TOX: variants seen among roughly 807,000 people sequenced by gnomAD.
TOX encodes the protein thymocyte selection associated high mobility group box, also known as thymocyte selection-associated high mobility group box protein TOX.
TOX carries 11 observed loss-of-function variants against 53.7 expected under a neutral mutation model. The observed-to-expected ratio is 0.20, with a 90% CI of 0.13 to 0.34. The LOEUF is 0.34. Ranked by LOEUF, TOX falls within the 10% of genes least tolerant of loss-of-function variation. TOX has a pLI of 1.00. For missense variants in TOX, 570 were observed against 664.6 expected, an observed-to-expected ratio of 0.86 and a Z score of 1.56; for synonymous variants, 225 against 245.3, an observed-to-expected ratio of 0.92 and a Z score of 0.77.
rs1361309617 is a variant in TOX at position 59,110,614 on chromosome 8, C to T, written c.102+8272G>A. 3.3e-5 allele frequency among the ~76,000 whole-genome samples: 5 copies of T among 152,202 alleles called. No homozygotes were observed. In the East Asian group the frequency reaches 9.7e-4, roughly 29 times the overall value. The stretch of plus-strand genomic sequence containing the variant: ...TGAAGTCAGGAACAAGAGGGCATTT[C>T]CCTCTTTCACAGTTATTCTCCACTT... On this transcript the variant is annotated intron_variant, in intron 1 of 8. Transcript: ENST00000361421.
chr8:58,838,849 G>A (rs934748040), intron 4 of TOX, among the ~76,000 whole-genome samples: 11 of 151,640 alleles, frequency 7.3e-5, no homozygotes, highest in African/African-American at 1.2e-4. Flanking sequence ...CTACAGACGC[G>A]CGCCACCACA....
chr8:58,939,256 A>G (rs541536984), intron 3 of TOX, 46 bp downstream of exon 3: 2 of 1,606,286 alleles, frequency 1.2e-6, no homozygotes, highest in African/African-American at 2.7e-5. Flanking sequence ...CCTTGTCCTT[A>G]TGGTATCCCT....
At chr8:59,107,016 A>G (rs977030761) in intron 1 of TOX, among the ~76,000 whole-genome samples, 2 of 137,200 alleles carry the variant, frequency 1.5e-5, no homozygotes, top group Admixed American at 7.4e-5. Context: ...CATTGAGAAC[A>G]ATGAACAATG....
chr8:58,810,575 A>G (rs566185374), intron 7 of TOX, among the ~76,000 whole-genome samples: 75 of 151,924 alleles, frequency 4.9e-4, no homozygotes, highest in Admixed American at 1.4e-3. Context: ...CTCATTTCCA[A>G]TTCCTGGGTT....
chr8:59,039,264 T>C (rs1421948471), intron 1 of TOX, among the ~76,000 whole-genome samples: 1 of 152,258 alleles, frequency 6.6e-6, no homozygotes, highest in African/African-American at 2.4e-5. Context: ...GGATTTGATA[T>C]GAATTGCAAG....
chr8:59,114,054 C>A (rs1033408788), intron 1 of TOX, among the ~76,000 whole-genome samples: 1 of 152,140 alleles, frequency 6.6e-6, no homozygotes, highest in Admixed American at 6.5e-5. Context: ...CATTTGAGAA[C>A]CAGGTTGGTA....
intron 1 of TOX, among the ~76,000 whole-genome samples, chr8:58,981,628 C>T (rs1460329726): frequency 6.6e-6 from 1 of 152,090 alleles, no homozygotes; most frequent in East Asian, 1.9e-4. Flanking sequence ...TCCACCTCAC[C>T]TCTTCCAAAC....
chr8:59,043,984 C>T (rs1274521797), intron 1 of TOX, among the ~76,000 whole-genome samples: 1 of 152,164 alleles, frequency 6.6e-6, no homozygotes, highest in Non-Finnish European at 1.5e-5. Flanking sequence ...GTCTTGCAAC[C>T]ACAAAATGTA....
intron 1 of TOX, among the ~76,000 whole-genome samples, chr8:59,076,317 A>G (rs1804292094): frequency 6.6e-6 from 1 of 152,230 alleles, no homozygotes; most frequent in Non-Finnish European, 1.5e-5. Flanking sequence ...TAAACTACCC[A>G]GAGATACAAG....
intron 1 of TOX, among the ~76,000 whole-genome samples, chr8:59,020,954 A>G (rs906871755): frequency 1.3e-5 from 2 of 151,878 alleles, no homozygotes; most frequent in African/African-American, 4.8e-5. Flanking sequence ...CTCTACAAAA[A>G]ATAAAAAAGA....
intron 1 of TOX, among the ~76,000 whole-genome samples, chr8:59,050,573 G>A (rs765770460): frequency 6.6e-5 from 10 of 151,908 alleles, no homozygotes; most frequent in South Asian, 2.1e-4. Context: ...TGAACTCTAC[G>A]GTAAATTTTA....
intron 1 of TOX, among the ~76,000 whole-genome samples, chr8:59,067,570 A>T (rs1804116449): frequency 6.6e-6 from 1 of 152,098 alleles, no homozygotes; most frequent in African/African-American, 2.4e-5. Context: ...ATAAATAAAT[A>T]AAATAAATAA....
chr8:58,886,569 C>G (rs1443653792), intron 3 of TOX, among the ~76,000 whole-genome samples: 1 of 151,946 alleles, frequency 6.6e-6, no homozygotes, highest in Non-Finnish European at 1.5e-5. Context: ...ACATATTTTG[C>G]AGTTAAAATA....
chr8:59,045,582 A>T (rs172652), intron 1 of TOX, among the ~76,000 whole-genome samples: 1 of 152,052 alleles, frequency 6.6e-6, no homozygotes, highest in East Asian at 1.9e-4. Flanking sequence ...AGGTCACGAC[A>T]AATTCTGGAG....
chr8:58,951,996 C>T (rs992641165), intron 2 of TOX, among the ~76,000 whole-genome samples: 9 of 152,218 alleles, frequency 5.9e-5, no homozygotes, highest in South Asian at 2.1e-4. Flanking sequence ...CAGATATGGA[C>T]GAAGATTACA....
In TOX at chr8:58,960,696, G is replaced by A. The variant is rs1217170283; in HGVS notation, c.103-688C>T. On this transcript the variant is annotated intron_variant, in intron 1 of 8. Coordinates refer to ENST00000361421, the MANE Select transcript of TOX (RefSeq NM_014729.3). ...ACGCAAATTTTCAAGTTAGGAAAAG[G>A]ATGAAAGAAAGAAATTCGCAGGGGC... 2.0e-5 allele frequency among the ~76,000 whole-genome samples: 3 copies of A among 152,106 alleles called. No individual in the cohort carries two copies. In the South Asian group the frequency reaches 6.2e-4, roughly 32 times the overall value.
intron 3 of TOX, among the ~76,000 whole-genome samples, chr8:58,922,259 G>A (rs890405185): frequency 1.3e-5 from 2 of 152,204 alleles, no homozygotes; most frequent in African/African-American, 4.8e-5. Flanking sequence ...CTCCAGGATT[G>A]AAGTTTAGGA....
chr8:59,099,860 A>G (rs1226369568), intron 1 of TOX, among the ~76,000 whole-genome samples: 1 of 152,174 alleles, frequency 6.6e-6, no homozygotes, highest in Non-Finnish European at 1.5e-5. Context: ...AGTCAACCAA[A>G]TCTCTTTTTG....
intron 3 of TOX, among the ~76,000 whole-genome samples, chr8:58,901,298 G>T (rs991652694): frequency 6.6e-6 from 1 of 152,100 alleles, no homozygotes; most frequent in African/African-American, 2.4e-5. Flanking sequence ...GTTTCAACAG[G>T]CTAATGCTCA....
Sources: gnomAD v4.1 joint callset for allele counts (sites outside exome capture counted in the v4.1 genomes callset) on GRCh38, gnomAD v4.1.1 for gene constraint, MANE v1.5 for transcripts, NCBI Gene and HGNC (gene_info 2026-07-23, HGNC 2026-07-21) for gene names.